The following PPT1 variants were observed in gnomAD, a reference collection of about 807,000 sequenced individuals.
PPT1 encodes ceroid-palmitoyl-palmitoyl-protein thioesterase 1.
PPT1 carries 24 observed loss-of-function variants against 44.0 expected under a neutral mutation model. The observed-to-expected ratio is 0.54, with a 90% CI of 0.39 to 0.77. PPT1 has a LOEUF of 0.77. Among genes scored for constraint, PPT1 ranks in the 30% least tolerant of loss-of-function variants. The pLI is 0.00. For synonymous variants in PPT1, 148 were observed against 140.2 expected (o/e 1.06, Z -0.39); for missense variants, 341 against 378.8 (o/e 0.90, Z 0.83).
At chr1:40,089,242 C>A (rs548904935) in intron 5 of PPT1, among the ~76,000 whole-genome samples, 168 bp downstream of exon 5, 29 of 147,440 alleles carry the variant, frequency 2.0e-4, no homozygotes, top group Non-Finnish European at 4.3e-4. Flanking sequence ...GACAAAATCA[C>A]GCCACTGCCC....
In PPT1 at chr1:40,091,417, G is replaced by A. The variant is rs143235344; in HGVS notation, c.363-18C>T. 1.9e-6 allele frequency: 3 copies of A among 1,597,316 alleles called. No homozygotes were observed. In the South Asian group the frequency reaches 3.3e-5, roughly 18 times the overall value. On this transcript the variant is annotated intron_variant, in intron 3 of 8. Coordinates refer to ENST00000642050, the MANE Select transcript of PPT1 (RefSeq NM_000310.4). ...CTGCCCTCCTACGGAATAAAAGGGA[G>A]TTTTAGCTCCGACTGTCAGATGGAA...
chr1:40,075,988 A>C (rs1478117253), intron 8 of PPT1, among the ~76,000 whole-genome samples: 1 of 128,372 alleles, frequency 7.8e-6, no homozygotes, highest in Non-Finnish European at 1.7e-5. Context: ...AAAAAAAAAA[A>C]AAATCCTTAA....
rs768269750 is a variant in PPT1 at position 40,073,133 on chromosome 1, C to G, written c.*928G>C. 6.6e-6 allele frequency: 1 copy of G among 152,184 alleles called. No individual in the cohort carries two copies. Among genetic ancestry groups the G allele is most frequent in the African/African-American group, 2.4e-5 (1 of 41,438 alleles). The allele number at this position is 152,184 out of a possible 1,614,324, so 9.4% of individuals were successfully genotyped here. A position where few individuals can be genotyped will look rare whatever the true frequency, so the allele number is the denominator to read the frequency against. ...AGCAAACAATCCTTTTCTCATGGAA[C>G]ACATCAGAAACAGTTTGGAGTATGC... On this transcript the variant is annotated 3_prime_UTR_variant, in exon 9 of 9. Transcript: ENST00000642050.
At chr1:40,092,217 A>T in intron 2 of PPT1, 45 bp from the exon 3 acceptor site, 2 of 1,612,296 alleles carry the variant, frequency 1.2e-6, no homozygotes, top group Non-Finnish European at 1.7e-6. Flanking sequence ...GACTGAAAAC[A>T]ACCACTGACA....
intron 5 of PPT1, among the ~76,000 whole-genome samples, chr1:40,080,929 C>A (rs1348942224): frequency 6.6e-6 from 1 of 152,142 alleles, no homozygotes; most frequent in African/African-American, 2.4e-5. Flanking sequence ...CCCTTTAATA[C>A]AGAAGACAAG....
intron 8 of PPT1, chr1:40,076,469 A>G (rs1648637464): frequency 2.2e-6 from 1 of 448,286 alleles, no homozygotes; most frequent in Non-Finnish European, 2.9e-6. Flanking sequence ...CGTCTCAAAG[A>G]AAAAAAAAGG....
At chr1:40,091,901 T>C (rs1467906769) in intron 3 of PPT1, 144 bp downstream of exon 3, 3 of 974,050 alleles carry the variant, frequency 3.1e-6, no homozygotes, top group South Asian at 1.6e-5. Context: ...TTAAGTTCCA[T>C]AAAGCTTCTT....
chr1:40,072,458 T>C (rs1206704400), downstream of PPT1: 7 of 177,794 alleles, frequency 3.9e-5, no homozygotes, highest in Non-Finnish European at 8.2e-5. Context: ...GTAAGAATCT[T>C]GCACAGCACT....
chr1:40,097,065 C>T, intron 1 of PPT1, 50 bp downstream of exon 1: 3 of 1,613,874 alleles, frequency 1.9e-6, no homozygotes, highest in Non-Finnish European at 2.5e-6. Context: ...CGAACCCAGG[C>T]TAGGAAGAGA....
intron 1 of PPT1, among the ~76,000 whole-genome samples, chr1:40,095,722 A>G (rs1280597485): frequency 6.6e-6 from 1 of 152,014 alleles, no homozygotes; most frequent in Non-Finnish European, 1.5e-5. Context: ...CAACACCTCT[A>G]CTGTTACTCT....
chr1:40,076,631 T>A, intron 8 of PPT1: 1 of 1,390,210 alleles, frequency 7.2e-7, no homozygotes, highest in Non-Finnish European at 9.3e-7. Context: ...CAGGATGTAG[T>A]GGATTTTTGT....
intron 5 of PPT1, among the ~76,000 whole-genome samples, chr1:40,088,092 T>C (rs1409632045): frequency 6.6e-6 from 1 of 152,128 alleles, no homozygotes; most frequent in South Asian, 2.1e-4. Context: ...GGATATTAGT[T>C]GATCCCAAAC....
chr1:40,077,624 C>T (rs893384491), intron 7 of PPT1, among the ~76,000 whole-genome samples: 4 of 152,172 alleles, frequency 2.6e-5, no homozygotes, highest in Non-Finnish European at 1.5e-5. Context: ...GGGCCACAAT[C>T]GGCCAATCCC....
chr1:40,085,725 G>A (rs1219965055), intron 5 of PPT1, among the ~76,000 whole-genome samples: 2 of 152,026 alleles, frequency 1.3e-5, no homozygotes, highest in African/African-American at 2.4e-5. Context: ...ACTTTTTTTA[G>A]GCATGATGCT....
chr1:40,091,506 CAG>C (rs1649563064), intron 3 of PPT1, 107 bp from the exon 4 acceptor site: 7 of 998,156 alleles, frequency 7.0e-6, no homozygotes, highest in East Asian at 5.2e-5. Context: ...CCCAAACCCG[CAG>C]AGTTTCAGGA....
rs939477816 is a variant in PPT1, at chr1:40,073,109, G to GCAAA, written c.*948_*951dup. ...GTGTAGTATTTTCCAAGCTTTTTGA[G>GCAAA]CAAACAATCCTTTTCTCATGGAACA... On this transcript the variant is annotated 3_prime_UTR_variant, in exon 9 of 9. Coordinates refer to ENST00000642050, the MANE Select transcript of PPT1 (RefSeq NM_000310.4). 4.1e-4 allele frequency: 62 copies of GCAAA among 152,334 alleles called. No homozygotes were observed. Among genetic ancestry groups the GCAAA allele is most frequent in the African/African-American group, 1.4e-3 (59 of 41,578 alleles). 9.4% of individuals were successfully genotyped at this position (152,334 alleles called of 1,614,324 possible).
At position 40,079,129 on chromosome 1, in the gene PPT1, A is replaced by G. The variant is rs997025534; in HGVS notation, c.628-471T>C. Among the ~76,000 whole-genome samples the G allele has an allele frequency of 2.6e-5, 4 of 152,296 alleles. No homozygotes were observed. The South Asian group carries it at 6.2e-4, about 24-fold the overall frequency. ...CTGTTTCTGTGTTCATTTGCTTAGG[A>G]TAACGGCCTCCAGCTGCATCCATGT... On this transcript the variant is annotated intron_variant, in intron 6 of 8. Coordinates refer to ENST00000642050, the MANE Select transcript of PPT1 (RefSeq NM_000310.4).
At chr1:40,083,379 C>A (rs567367654) in intron 5 of PPT1, among the ~76,000 whole-genome samples, 205 of 152,154 alleles carry the variant, frequency 1.3e-3, no homozygotes, top group African/African-American at 4.8e-3. Context: ...GGCTTGAGTC[C>A]AGGAGGTGAA....
chr1:40,097,248 G>A lies in PPT1; in HGVS notation c.-10C>T, dbSNP rs761610817. 5.1e-5 allele frequency: 82 copies of A among 1,613,424 alleles called. No individual in the cohort carries two copies. Among genetic ancestry groups the A allele is most frequent in the Non-Finnish European group, 6.4e-5 (76 of 1,179,726 alleles). On this transcript the variant is annotated 5_prime_UTR_variant, in exon 1 of 9. Coordinates refer to ENST00000642050, the MANE Select transcript of PPT1 (RefSeq NM_000310.4). ...AGCCGGGCGACGCCATCTTCGCTGT[G>A]TCACATGACCGCGGGCGCGAGACTC...
Sources: gnomAD v4.1 joint callset for allele counts (sites outside exome capture counted in the v4.1 genomes callset) on GRCh38, gnomAD v4.1.1 for gene constraint, MANE v1.5 for transcripts, NCBI Gene and HGNC (gene_info 2026-07-23, HGNC 2026-07-21) for gene names.